TRAP1: variants seen among roughly 807,000 people sequenced by gnomAD.
TRAP1 encodes the protein TNF receptor associated protein 1, also known as heat shock protein 75 kDa, mitochondrial.
In TRAP1, 102 loss-of-function variants were observed where a neutral mutation model predicts 89.1. The observed-to-expected ratio is 1.15, with a 90% CI of 0.98 to 1.35. The LOEUF is 1.35. TRAP1 is among the 40% of genes most tolerant of loss of function. The pLI is 0.00. For missense variants in TRAP1, 1,256 were observed against 945.3 expected, an observed-to-expected ratio of 1.33 and a Z score of -4.31; for synonymous variants, 508 against 388.0, an observed-to-expected ratio of 1.31 and a Z score of -3.64.
chr16:3,671,641 C>T (rs955523817), intron 11 of TRAP1, 81 bp downstream of exon 11: 25 of 1,489,518 alleles, frequency 1.7e-5, no homozygotes, highest in South Asian at 5.9e-5. Flanking sequence ...CCATGGGCCA[C>T]GGCTAGGGCC....
At chr16:3,679,879 C>T in intron 4 of TRAP1, 89 bp from the exon 5 acceptor site, 1 of 1,327,876 alleles carries the variant, frequency 7.5e-7, no homozygotes. Flanking sequence ...CAAGTGGTGT[C>T]AATGACATTG....
intron 4 of TRAP1, among the ~76,000 whole-genome samples, chr16:3,680,747 G>A (rs1380092032): frequency 6.6e-6 from 1 of 152,194 alleles, no homozygotes; most frequent in Non-Finnish European, 1.5e-5. Flanking sequence ...ATCAAGTCAC[G>A]ACGGCTCCAC....
intron 16 of TRAP1, chr16:3,659,909 C>T (rs187631584): frequency 1.3e-5 from 2 of 152,214 alleles, no homozygotes; most frequent in East Asian, 3.9e-4. Flanking sequence ...ACCACCACCC[C>T]CAGCTAGTTT....
At chr16:3,672,088 A>G (rs1426931782) in intron 10 of TRAP1, among the ~76,000 whole-genome samples, 1 of 152,222 alleles carries the variant, frequency 6.6e-6, no homozygotes, top group Non-Finnish European at 1.5e-5. Flanking sequence ...CTGTAATCCC[A>G]GCGCTTTGGG....
intron 1 of TRAP1, among the ~76,000 whole-genome samples, chr16:3,692,892 C>A (rs1051277387): frequency 6.6e-6 from 1 of 151,968 alleles, no homozygotes; most frequent in African/African-American, 2.4e-5. Flanking sequence ...AGCCACCGTG[C>A]CCAGCCAAAA....
intron 1 of TRAP1, among the ~76,000 whole-genome samples, chr16:3,696,977 T>A (rs2051296186): frequency 6.6e-6 from 1 of 152,166 alleles, no homozygotes; most frequent in Non-Finnish European, 1.5e-5. Context: ...TCCCCCGGCC[T>A]CTGCCTCCCA....
chr16:3,675,255 C>A, intron 8 of TRAP1, 69 bp downstream of exon 8: 1 of 1,517,368 alleles, frequency 6.6e-7, no homozygotes, highest in Non-Finnish European at 9.1e-7. Flanking sequence ...CTCATCTCTT[C>A]TCCGCTGCCC....
At chr16:3,674,274 A>C in intron 9 of TRAP1, 65 bp downstream of exon 9, 2 of 1,575,216 alleles carry the variant, frequency 1.3e-6, no homozygotes, top group Non-Finnish European at 1.7e-6. Context: ...TGACATCTGC[A>C]GAGCTGATGC....
Position 3,717,494 on chromosome 16 carries a change from C to A in TRAP1, c.15G>T (p.Leu5=). ...GGCGGCCCCACAGCAGCAGCGCCCG[C>A]AGCTCGCGCGCCATGTCGTACTCCC... MARE[L]RALLLWGRRL... Residue 5 remains leucine (L), a synonymous_variant, in exon 1 of 18, where the codon CTG becomes CTT. Transcript: ENST00000246957. 7.4e-7 allele frequency: 1 copy of A among 1,345,932 alleles called. No individual in the cohort carries two copies. Among genetic ancestry groups the A allele is most frequent in the Non-Finnish European group, 9.5e-7 (1 of 1,051,470 alleles). The allele number at this position is 1,345,932 out of a possible 1,614,324, so 83.4% of individuals were successfully genotyped here.
At chr16:3,687,863 C>CAAAAAAAAAA (rs200270261) in intron 3 of TRAP1, among the ~76,000 whole-genome samples, 1 of 112,402 alleles carries the variant, frequency 8.9e-6, no homozygotes, top group Non-Finnish European at 1.8e-5. Context: ...ATTAAAAAAC[C>CAAAAAAAAAA]AAAAAAAAAA....
chr16:3,662,464 T>G, intron 15 of TRAP1: 1 of 523,904 alleles, frequency 1.9e-6, no homozygotes, highest in Middle Eastern at 2.9e-4. Flanking sequence ...GGACGCTCAT[T>G]TCTCACTCTG....
intron 4 of TRAP1, among the ~76,000 whole-genome samples, chr16:3,685,196 G>A (rs937289958): frequency 1.3e-5 from 2 of 152,158 alleles, no homozygotes; most frequent in Non-Finnish European, 2.9e-5. Flanking sequence ...AGGGAGAGAA[G>A]AAACCCACTC....
At chr16:3,683,325 G>C (rs1043198785) in intron 4 of TRAP1, among the ~76,000 whole-genome samples, 16 of 151,894 alleles carry the variant, frequency 1.1e-4, no homozygotes, top group African/African-American at 3.4e-4. Flanking sequence ...GAATAGACTT[G>C]TGTTAAGAAT....
intron 1 of TRAP1, among the ~76,000 whole-genome samples, chr16:3,703,536 C>G (rs1325073029): frequency 1.3e-5 from 2 of 151,934 alleles, no homozygotes; most frequent in Non-Finnish European, 2.9e-5. Context: ...TAGCTATTCT[C>G]ATATGCCACG....
At chr16:3,675,421 A>G in intron 7 of TRAP1, 24 bp from the exon 8 acceptor site, 1 of 1,612,436 alleles carries the variant, frequency 6.2e-7, no homozygotes, top group African/African-American at 1.3e-5. Flanking sequence ...AAGAAAAACC[A>G]CACTGCATCT....
chr16:3,673,493 G>A lies in TRAP1; in HGVS notation c.1045-673C>T, dbSNP rs184799389. On this transcript the variant is annotated intron_variant, in intron 9 of 17. Coordinates refer to ENST00000246957, the MANE Select transcript of TRAP1 (RefSeq NM_016292.3). ...TCATCACGGGATCTGGTTAAAATGC[G>A]GCGGGTATCTAGTTCAAATGTTGGG... Among the ~76,000 whole-genome samples the A allele has an allele frequency of 1.8e-4, 27 of 152,338 alleles. 1 individual carries two copies. The highest frequency in any genetic ancestry group is 7.2e-4 in the Admixed American group (11 of 15,302).
chr16:3,663,250 C>G (rs12919993), intron 14 of TRAP1, 174 bp downstream of exon 14: 2 of 845,272 alleles, frequency 2.4e-6, no homozygotes, highest in Non-Finnish European at 3.6e-6. Context: ...CCCCTGATAT[C>G]TAAACCAGGA....
At chr16:3,672,103 C>T (rs1447080172) in intron 10 of TRAP1, among the ~76,000 whole-genome samples, 1 of 152,070 alleles carries the variant, frequency 6.6e-6, no homozygotes, top group Admixed American at 6.6e-5. Flanking sequence ...TTTGGGAGGC[C>T]GAGGTGGGCG....
At chr16:3,709,582 T>C (rs1196404879) in intron 1 of TRAP1, among the ~76,000 whole-genome samples, 1 of 152,150 alleles carries the variant, frequency 6.6e-6, no homozygotes, top group Non-Finnish European at 1.5e-5. Flanking sequence ...AACCCCAGAA[T>C]ATAAGTGGAA....
Sources: allele counts gnomAD v4.1 joint callset (sites outside exome capture counted in the v4.1 genomes callset), GRCh38; gene constraint gnomAD v4.1.1; transcripts MANE v1.5; gene names NCBI Gene and HGNC (gene_info 2026-07-23, HGNC 2026-07-21).